The following SRGAP3 variants were observed in gnomAD, a reference collection of about 807,000 sequenced individuals.
SRGAP3 encodes SLIT-ROBO Rho GTPase-activating protein 3.
Under a neutral mutation model 121.1 loss-of-function variants are expected in SRGAP3, and 39 were observed. The ratio of observed to expected loss-of-function variants is 0.32; its 90% confidence interval spans 0.25 to 0.42. SRGAP3 has a LOEUF of 0.42. Among genes scored for constraint, SRGAP3 ranks in the 10% least tolerant of loss-of-function variants. The pLI is 1.00. For synonymous variants in SRGAP3, 601 were observed against 570.0 expected, an observed-to-expected ratio of 1.05 and a Z score of -0.77; for missense variants, 1,213 against 1,470.6, an observed-to-expected ratio of 0.82 and a Z score of 2.86.
chr3:9,108,292 C>T (rs372479924), intron 2 of SRGAP3, among the ~76,000 whole-genome samples: 6 of 152,236 alleles, frequency 3.9e-5, no homozygotes, highest in African/African-American at 1.4e-4. Flanking sequence ...TTTATACTCT[C>T]TAGAAGATTC....
At chr3:8,992,771 G>C in intron 20 of SRGAP3, 135 bp downstream of exon 20, 2 of 1,521,684 alleles carry the variant, frequency 1.3e-6, no homozygotes, top group Non-Finnish European at 1.8e-6. Flanking sequence ...AGCCCGCCCA[G>C]TGTGCCCATT....
At chr3:9,116,320 T>A (rs1948803816) in intron 2 of SRGAP3, among the ~76,000 whole-genome samples, 1 of 152,220 alleles carries the variant, frequency 6.6e-6, no homozygotes. Flanking sequence ...TTAAATATAT[T>A]TAAAGAAAGC....
At chr3:9,149,761 A>G (rs1219901426) in intron 1 of SRGAP3, among the ~76,000 whole-genome samples, 1 of 152,234 alleles carries the variant, frequency 6.6e-6, no homozygotes, top group African/African-American at 2.4e-5. Flanking sequence ...TGACCTCCAG[A>G]TAACTCCAGA....
chr3:9,032,813 A>G (rs1343476016), intron 11 of SRGAP3, 61 bp from the exon 12 acceptor site: 3 of 1,492,398 alleles, frequency 2.0e-6, no homozygotes, highest in East Asian at 2.3e-5. Context: ...ACAACTGGGA[A>G]AGATGCTCTT....
intron 3 of SRGAP3, among the ~76,000 whole-genome samples, chr3:9,287,397 T>G (rs1954794751): frequency 6.6e-6 from 1 of 152,174 alleles, no homozygotes; most frequent in South Asian, 2.1e-4. Context: ...TGGTGACGAG[T>G]TCTCTCAGAT....
At chr3:9,087,096 G>A (rs1053329022) in intron 3 of SRGAP3, among the ~76,000 whole-genome samples, 1 of 151,862 alleles carries the variant, frequency 6.6e-6, no homozygotes, top group African/African-American at 2.4e-5. Flanking sequence ...GTGTATATAT[G>A]TGTGTATATA....
intron 2 of SRGAP3, among the ~76,000 whole-genome samples, chr3:9,115,246 A>G (rs141662678): frequency 6.6e-6 from 1 of 152,300 alleles, no homozygotes; most frequent in East Asian, 1.9e-4. Flanking sequence ...TAAGCAGCTA[A>G]GGGCTGAGGA....
chr3:9,363,008 GC>G (rs1241520141), exon 1 of SRGAP3: 1 of 152,372 alleles, frequency 6.6e-6, no homozygotes, highest in Admixed American at 6.5e-5. Context: ...CCCGCCGCCA[GC>G]GCGGAGCCAC....
chr3:9,059,238 C>A (rs1212024480), intron 6 of SRGAP3: 2 of 152,272 alleles, frequency 1.3e-5, no homozygotes, highest in Non-Finnish European at 2.9e-5. Flanking sequence ...GCGAGGTAAG[C>A]TCCCCGAGGG....
intron 1 of SRGAP3, among the ~76,000 whole-genome samples, chr3:9,133,081 T>C (rs1949519593): frequency 6.7e-6 from 1 of 150,074 alleles, no homozygotes; most frequent in South Asian, 2.1e-4. Context: ...AATATCTATA[T>C]ATAGAATTTA....
chr3:9,272,806 AT>A (rs34322946), intron 3 of SRGAP3, among the ~76,000 whole-genome samples: 102,015 of 150,920 alleles, frequency 0.68, 35,404 homozygotes, highest in Non-Finnish European at 0.76. Context: ...AATTCTGTTT[AT>A]TTTTTTTTTA....
At chr3:9,358,986 G>A (rs2125298130) in intron 1 of SRGAP3, among the ~76,000 whole-genome samples, 1 of 152,300 alleles carries the variant, frequency 6.6e-6, no homozygotes. Context: ...CAGAGTGATT[G>A]CCCAATATCC....
At chr3:9,321,924 C>T (rs558941380) in intron 3 of SRGAP3, among the ~76,000 whole-genome samples, 1 of 151,282 alleles carries the variant, frequency 6.6e-6, no homozygotes, top group African/African-American at 2.4e-5. Context: ...CACAAGCTTA[C>T]CTATGTAACA....
chr3:9,138,930 G>T (rs567392721), intron 1 of SRGAP3, among the ~76,000 whole-genome samples: 3,002 of 152,196 alleles, frequency 0.02, 91 homozygotes, highest in African/African-American at 0.065. Flanking sequence ...TTCAGATAAG[G>T]AATACTCAAC....
chr3:9,349,022 C>A, intron 1 of SRGAP3: 1 of 949,750 alleles, frequency 1.1e-6, no homozygotes, highest in Non-Finnish European at 1.7e-6. Flanking sequence ...CATTGTCAAG[C>A]ATCTGGAGGG....
intron 3 of SRGAP3, among the ~76,000 whole-genome samples, chr3:9,277,088 A>T (rs577176098): frequency 2.0e-5 from 3 of 152,250 alleles, no homozygotes; most frequent in Non-Finnish European, 4.4e-5. Context: ...ACCTATTATA[A>T]AAGATTATCT....
At chr3:9,227,319 A>G (rs1433602339) in intron 1 of SRGAP3, among the ~76,000 whole-genome samples, 1 of 152,210 alleles carries the variant, frequency 6.6e-6, no homozygotes, top group African/African-American at 2.4e-5. Flanking sequence ...TCTGCCATGA[A>G]TGTTGTAAAT....
At chr3:9,176,739 C>A (rs4053863) in intron 1 of SRGAP3, among the ~76,000 whole-genome samples, 1 of 152,090 alleles carries the variant, frequency 6.6e-6, no homozygotes, top group Admixed American at 6.6e-5. Flanking sequence ...CGGGGAGGAA[C>A]CACACACTTT....
intron 4 of SRGAP3, among the ~76,000 whole-genome samples, chr3:9,064,865 A>T (rs975948059): frequency 8.9e-5 from 4 of 45,126 alleles, no homozygotes; most frequent in African/African-American, 2.3e-4. Context: ...AAATAATAAT[A>T]AATAAATAAA....
Sources: gnomAD v4.1 joint callset for allele counts (sites outside exome capture counted in the v4.1 genomes callset) on GRCh38, gnomAD v4.1.1 for gene constraint, MANE v1.5 for transcripts, NCBI Gene and HGNC (gene_info 2026-07-23, HGNC 2026-07-21) for gene names.